CUL3: variants seen among roughly 807,000 people sequenced by gnomAD.
CUL3 encodes cullin-3.
Under a neutral mutation model 89.1 loss-of-function variants are expected in CUL3, and 19 were observed. The observed-to-expected ratio is 0.21, with a 90% CI of 0.15 to 0.31. The LOEUF (loss-of-function observed/expected upper bound fraction) is 0.31. CUL3 is among the 10% of genes least tolerant of loss of function. The pLI is 1.00. For synonymous variants in CUL3, 351 were observed against 308.4 expected (o/e 1.14, Z -1.45); for missense variants, 469 against 942.3 (o/e 0.50, Z 6.58).
Position 224,527,216 on chromosome 2 carries a change from G to T in CUL3, c.378+8312C>A, listed in dbSNP as rs149524651. 1.1e-3 allele frequency among the ~76,000 whole-genome samples: 163 copies of T among 152,354 alleles called. 1 individual carries two copies. Among genetic ancestry groups the T allele is most frequent in the African/African-American group, 3.7e-3 (153 of 41,580 alleles). ...CTTCTAGTACATCATTCTGAAAGCA[G>T]AGAAGGTGCCAGGAAAATTCTTAAT... On this transcript the variant is annotated intron_variant, in intron 3 of 15. Coordinates refer to ENST00000264414, the MANE Select transcript of CUL3 (RefSeq NM_003590.5).
chr2:224,478,092 C>A, intron 15 of CUL3, 108 bp downstream of exon 15: 1 of 1,163,300 alleles, frequency 8.6e-7, no homozygotes, highest in Admixed American at 2.5e-5. Flanking sequence ...TGTTACATCA[C>A]TAGGATTTCT....
At chr2:224,498,531 G>T (rs1032904039) in intron 11 of CUL3, among the ~76,000 whole-genome samples, 1 of 152,164 alleles carries the variant, frequency 6.6e-6, no homozygotes, top group Non-Finnish European at 1.5e-5. Flanking sequence ...ACTTTGGGGA[G>T]GGAAAAAACC....
chr2:224,544,156 G>T (rs1694213529), intron 2 of CUL3, among the ~76,000 whole-genome samples: 1 of 152,138 alleles, frequency 6.6e-6, no homozygotes, highest in Non-Finnish European at 1.5e-5. Context: ...TGGTTGATTA[G>T]ATCAATGACA....
At chr2:224,576,687 AGG>A (rs55945819) in intron 1 of CUL3, among the ~76,000 whole-genome samples, 35,009 of 121,692 alleles carry the variant, frequency 0.29, 5,663 homozygotes, top group African/African-American at 0.43. Context: ...GTGAAAAAAA[AGG>A]GGGGGGGGGG....
chr2:224,541,872 C>G (rs1342181942), intron 2 of CUL3, among the ~76,000 whole-genome samples: 1 of 151,654 alleles, frequency 6.6e-6, no homozygotes, highest in South Asian at 2.1e-4. Flanking sequence ...GTTAAGATAG[C>G]AGATCAGTGG....
chr2:224,531,744 G>GA (rs764070668), intron 3 of CUL3, among the ~76,000 whole-genome samples: 100 of 149,268 alleles, frequency 6.7e-4, no homozygotes, highest in Non-Finnish European at 1.0e-3. Flanking sequence ...TGACATTAAA[G>GA]AAAAAAAAAA....
intron 1 of CUL3, among the ~76,000 whole-genome samples, chr2:224,584,626 C>T (rs1005292309): frequency 6.6e-6 from 1 of 151,778 alleles, no homozygotes; most frequent in Non-Finnish European, 1.5e-5. Flanking sequence ...GGCCTACAAC[C>T]CCGGCAACGT....
intron 2 of CUL3, among the ~76,000 whole-genome samples, chr2:224,541,380 C>A (rs753090260): frequency 6.6e-6 from 1 of 152,124 alleles, no homozygotes; most frequent in Non-Finnish European, 1.5e-5. Context: ...CTAATTAAAA[C>A]CATGAGAAAC....
chr2:224,521,404 T>C (rs1484818907), intron 3 of CUL3, among the ~76,000 whole-genome samples: 1 of 152,116 alleles, frequency 6.6e-6, no homozygotes, highest in Non-Finnish European at 1.5e-5. Context: ...AATAACATGT[T>C]TGCTTTAAAG....
At chr2:224,534,825 AAAAAT>A (rs1274971197) in intron 3 of CUL3, among the ~76,000 whole-genome samples, 1 of 151,792 alleles carries the variant, frequency 6.6e-6, no homozygotes, top group African/African-American at 2.4e-5. Context: ...TACTAAAAAG[AAAAAT>A]AAAATAAAAA....
chr2:224,538,982 C>A (rs1036778717), intron 2 of CUL3, among the ~76,000 whole-genome samples: 2 of 151,896 alleles, frequency 1.3e-5, no homozygotes, highest in Non-Finnish European at 1.5e-5. Flanking sequence ...GCCTGGGCAA[C>A]ACAGCAAGAT....
intron 2 of CUL3, among the ~76,000 whole-genome samples, chr2:224,543,788 A>C (rs775127203): frequency 6.9e-4 from 105 of 152,270 alleles, no homozygotes; most frequent in Non-Finnish European, 1.2e-3. Flanking sequence ...ATTCAAGACC[A>C]GCCTGGACAA....
chr2:224,567,244 GTCT>G (rs1172394222), intron 1 of CUL3, among the ~76,000 whole-genome samples: 1 of 152,130 alleles, frequency 6.6e-6, no homozygotes, highest in African/African-American at 2.4e-5. Flanking sequence ...TTTAGACAGG[GTCT>G]TCTTCTGTCA....
intron 10 of CUL3, among the ~76,000 whole-genome samples, chr2:224,502,016 G>A (rs940088031): frequency 6.6e-6 from 1 of 152,150 alleles, no homozygotes; most frequent in Non-Finnish European, 1.5e-5. Flanking sequence ...TTTCTGTCAT[G>A]GACTTGCATC....
At chr2:224,524,975 G>A (rs563259506) in intron 3 of CUL3, among the ~76,000 whole-genome samples, 29 of 151,350 alleles carry the variant, frequency 1.9e-4, no homozygotes, top group African/African-American at 5.8e-4. Context: ...ATAAGCTAAT[G>A]GGGGTGGGGG....
intron 1 of CUL3, among the ~76,000 whole-genome samples, chr2:224,577,664 T>C (rs1409540069): frequency 6.6e-6 from 1 of 152,126 alleles, no homozygotes; most frequent in African/African-American, 2.4e-5. Context: ...CTTTACTTTT[T>C]AGTCACATCC....
At chr2:224,499,046 G>A (rs1347540912) in intron 11 of CUL3, among the ~76,000 whole-genome samples, 2 of 152,092 alleles carry the variant, frequency 1.3e-5, no homozygotes, top group East Asian at 1.9e-4. Context: ...TCCAGGATAT[G>A]GGCTATTTAA....
Position 224,535,567 on chromosome 2 carries a change from T to C in CUL3, c.339A>G (p.Gln113=), listed in dbSNP as rs759128534. 8 of 1,608,512 alleles carry C rather than the reference T, an allele frequency of 5.0e-6. No individual in the cohort carries two copies. Among genetic ancestry groups the C allele is most frequent in the East Asian group, 2.2e-5 (1 of 44,852 alleles). The change falls in exon 3 of 16, where the codon CAA becomes CAG. Residue 113 remains glutamine, a synonymous_variant. Coordinates refer to ENST00000264414, the MANE Select transcript of CUL3 (RefSeq NM_003590.5). Reference sequence around the variant, plus strand: ...TGTCTCTAATCATCACCATAGCTGTTTGATGATCATTCCAAGCTTGATTTA... The same window carrying C: ...TGTCTCTAATCATCACCATAGCTGTCTGATGATCATTCCAAGCTTGATTTA... The part of the protein sequence containing the change: ...QTLNQAWNDH[Q]TAMVMIRDIL...
intron 1 of CUL3, among the ~76,000 whole-genome samples, chr2:224,575,921 G>A (rs1441030771): frequency 6.6e-6 from 1 of 152,094 alleles, no homozygotes; most frequent in Non-Finnish European, 1.5e-5. Context: ...CACAATAAAC[G>A]TATTTTAAAT....
Sources: gnomAD v4.1 joint callset for allele counts (sites outside exome capture counted in the v4.1 genomes callset) on GRCh38, gnomAD v4.1.1 for gene constraint, MANE v1.5 for transcripts, NCBI Gene and HGNC (gene_info 2026-07-23, HGNC 2026-07-21) for gene names.